Variants in TACR1 observed in about 807,000 individuals in gnomAD.
TACR1 encodes substance-P receptor.
In TACR1, 25 loss-of-function variants were observed where a neutral mutation model predicts 35.8. The ratio of observed to expected loss-of-function variants is 0.70; its 90% confidence interval spans 0.51 to 0.98. TACR1 has a LOEUF of 0.98. TACR1 is among the 50% of genes least tolerant of loss of function. TACR1 has a pLI of 0.00. For missense variants in TACR1, 478 were observed against 522.9 expected, an observed-to-expected ratio of 0.91 and a Z score of 0.84; for synonymous variants, 195 against 206.7, an observed-to-expected ratio of 0.94 and a Z score of 0.48.
chr2:75,095,666 A>G (rs1665492927), intron 2 of TACR1, among the ~76,000 whole-genome samples: 1 of 152,196 alleles, frequency 6.6e-6, no homozygotes, highest in Admixed American at 6.5e-5. Context: ...CTTTTGGGTC[A>G]GGAGAATTAG....
intron 2 of TACR1, among the ~76,000 whole-genome samples, chr2:75,075,474 A>G (rs1672959835): frequency 6.6e-6 from 1 of 152,242 alleles, no homozygotes; most frequent in South Asian, 2.1e-4. Flanking sequence ...TCTATGACCT[A>G]ATAATGCTTT....
At chr2:75,067,678 A>C (rs1437791639) in intron 2 of TACR1, among the ~76,000 whole-genome samples, 1 of 152,216 alleles carries the variant, frequency 6.6e-6, no homozygotes, top group African/African-American at 2.4e-5. Flanking sequence ...AGAGACCTGA[A>C]GTTCAAAGCA....
In TACR1 at chr2:75,199,263, G is replaced by A; in HGVS notation, c.-329C>T. 1 of 271,626 alleles carries A rather than the reference G, an allele frequency of 3.7e-6. No homozygotes were observed. 16.8% of individuals were successfully genotyped at this position (271,626 alleles called of 1,614,324 possible). A position where few individuals can be genotyped will look rare whatever the true frequency, so the allele number is the denominator to read the frequency against. ...CACCGGTCACAGTTCTAGGAAGCAA[G>A]AGATCCCCCGCATTTATGCACCTGC... On this transcript the variant is annotated 5_prime_UTR_variant, in exon 1 of 5. Coordinates refer to ENST00000305249, the MANE Select transcript of TACR1 (RefSeq NM_001058.4).
rs1424374012 is a variant in TACR1, at chr2:75,049,656, G to T, written c.1000C>A (p.Leu334Met). The T allele has an allele frequency of 6.2e-7, 1 of 1,614,122 alleles. No homozygotes were observed. Among genetic ancestry groups the T allele is most frequent in the Non-Finnish European group, 8.5e-7 (1 of 1,180,024 alleles). The change falls in exon 5 of 5, where the codon CTG becomes ATG. Residue 334 changes from leucine to methionine, a missense_variant. By Grantham distance (15) the Leu-to-Met change is conservative (BLOSUM62 2). Transcript: ENST00000305249. ...AGATACCGGGTGGATTTCATTTCCAGCCCCTCATAGTCGCCGGCGCTGATG... is the reference window on the plus strand; with the variant it reads ...AGATACCGGGTGGATTTCATTTCCATCCCCTCATAGTCGCCGGCGCTGATG... ...PFISAGDYEG[L>M]EMKSTRYLQT...
rs1676066191 is a variant in TACR1, at chr2:75,198,971, C to G, written c.-37G>C. 3 of 1,595,686 alleles carry G rather than the reference C, an allele frequency of 1.9e-6. No homozygotes were observed. The highest frequency in any genetic ancestry group is 2.3e-5 in the South Asian group (2 of 87,944). ...GCGGTAAAGCCCTACTATCTGTACA[C>G]AACCCCCCTCTGCAGCAGAGTCCTG... On this transcript the variant is annotated 5_prime_UTR_variant, in exon 1 of 5. Transcript: ENST00000305249.
intron 2 of TACR1, among the ~76,000 whole-genome samples, chr2:75,119,481 A>AAAG (rs1433902568): frequency 6.6e-6 from 1 of 152,252 alleles, no homozygotes; most frequent in Admixed American, 6.5e-5. Context: ...GGGCTTTCAA[A>AAAG]AAGATCCACA....
chr2:75,126,071 C>G (rs1024231785), intron 1 of TACR1, among the ~76,000 whole-genome samples: 56 of 152,100 alleles, frequency 3.7e-4, no homozygotes, highest in Admixed American at 3.7e-3. Flanking sequence ...TCTCTTCCTC[C>G]TCTCACTCTC....
intron 2 of TACR1, among the ~76,000 whole-genome samples, chr2:75,113,537 T>TG (rs1673793608): frequency 1.4e-5 from 2 of 144,846 alleles, no homozygotes; most frequent in African/African-American, 5.1e-5. Context: ...TCTTCCTTTT[T>TG]TTTTTTTTTT....
intron 1 of TACR1, among the ~76,000 whole-genome samples, chr2:75,150,076 A>C (rs775244855): frequency 6.6e-6 from 1 of 152,180 alleles, no homozygotes; most frequent in Non-Finnish European, 1.5e-5. Flanking sequence ...CCAGCCTTGC[A>C]TCCCAGAGAT....
At chr2:75,091,201 CAAAA>C (rs1184236584) in intron 2 of TACR1, among the ~76,000 whole-genome samples, 27 of 63,424 alleles carry the variant, frequency 4.3e-4, no homozygotes, top group African/African-American at 8.2e-4. Context: ...CTCGTAGGTG[CAAAA>C]AAAAAAAAAA....
intron 1 of TACR1, among the ~76,000 whole-genome samples, chr2:75,147,357 T>C (rs907210290): frequency 1.3e-5 from 2 of 152,238 alleles, no homozygotes; most frequent in African/African-American, 4.8e-5. Flanking sequence ...CATAACATAA[T>C]GGGTTTATCC....
chr2:75,066,685 C>T (rs1044986537), intron 2 of TACR1, among the ~76,000 whole-genome samples: 1 of 152,190 alleles, frequency 6.6e-6, no homozygotes, highest in Non-Finnish European at 1.5e-5. Flanking sequence ...GACAAACACC[C>T]TACTTTCTTT....
At chr2:75,197,391 C>A (rs1398442852) in intron 1 of TACR1, among the ~76,000 whole-genome samples, 2 of 152,268 alleles carry the variant, frequency 1.3e-5, no homozygotes, top group African/African-American at 4.8e-5. Flanking sequence ...TTGAAGTTTT[C>A]TCCTAGCTCC....
chr2:75,123,147 G>A (rs1004807639), intron 1 of TACR1, among the ~76,000 whole-genome samples: 9 of 40,062 alleles, frequency 2.2e-4, no homozygotes, highest in African/African-American at 1.4e-3. Context: ...TTGCTTGTTG[G>A]ATTATTTCCC....
At chr2:75,181,738 A>G (rs902310447) in intron 1 of TACR1, among the ~76,000 whole-genome samples, 3 of 152,136 alleles carry the variant, frequency 2.0e-5, no homozygotes, top group Non-Finnish European at 4.4e-5. Context: ...AGTTTTATTC[A>G]TGGATAAATT....
intron 2 of TACR1, among the ~76,000 whole-genome samples, chr2:75,079,768 T>A (rs1436129604): frequency 6.8e-6 from 1 of 146,626 alleles, no homozygotes; most frequent in Admixed American, 6.9e-5. Context: ...GGTCTCACTC[T>A]GGAATGAGTC....
At chr2:75,072,857 C>T (rs1275534163) in intron 2 of TACR1, among the ~76,000 whole-genome samples, 2 of 152,116 alleles carry the variant, frequency 1.3e-5, no homozygotes, top group South Asian at 2.1e-4. Flanking sequence ...AAGTTTTCTG[C>T]GTTTTATGGA....
intron 1 of TACR1, among the ~76,000 whole-genome samples, chr2:75,144,488 A>T (rs1476601140): frequency 6.6e-6 from 1 of 152,238 alleles, no homozygotes; most frequent in Non-Finnish European, 1.5e-5. Flanking sequence ...ACTTGGAACC[A>T]TGGACATACA....
At chr2:75,174,388 A>G (rs1341720187) in intron 1 of TACR1, among the ~76,000 whole-genome samples, 1 of 152,196 alleles carries the variant, frequency 6.6e-6, no homozygotes, top group Non-Finnish European at 1.5e-5. Context: ...TGATCTGATA[A>G]CCAACAGGGC....
Sources: gnomAD v4.1 joint callset for allele counts (sites outside exome capture counted in the v4.1 genomes callset) on GRCh38, gnomAD v4.1.1 for gene constraint, MANE v1.5 for transcripts, NCBI Gene and HGNC (gene_info 2026-07-23, HGNC 2026-07-21) for gene names.